Variants in NEB observed in about 807,000 individuals in gnomAD.
NEB encodes nemaline myopathy type 2.
NEB carries 512 observed loss-of-function variants against 952.2 expected under a neutral mutation model. The observed-to-expected ratio is 0.54, with a 90% confidence interval of 0.50 to 0.58. The LOEUF is 0.58. NEB is among the 20% of genes least tolerant of loss of function. The pLI, the probability that NEB is intolerant of heterozygous loss-of-function variation, is 0.00. For missense variants in NEB, 8,428 were observed against 9,231.1 expected (o/e 0.91, Z 3.56); for synonymous variants, 2,900 against 3,149.8 (o/e 0.92, Z 2.66).
chr2:151,494,560 C>G (rs892428333), intron 173 of NEB, among the ~76,000 whole-genome samples: 1 of 152,124 alleles, frequency 6.6e-6, no homozygotes, highest in South Asian at 2.1e-4. Flanking sequence ...AGAGATGATC[C>G]AAACAGGAGT....
intron 129 of NEB, among the ~76,000 whole-genome samples, chr2:151,550,098 C>A (rs537596189): frequency 6.6e-6 from 1 of 151,802 alleles, no homozygotes; most frequent in Non-Finnish European, 1.5e-5. Flanking sequence ...AAGATCCCAC[C>A]TCTATAAAAA....
chr2:151,723,750 G>GTT (rs11308757), intron 8 of NEB, among the ~76,000 whole-genome samples: 235 of 51,352 alleles, frequency 4.6e-3, no homozygotes, highest in Middle Eastern at 0.021. Context: ...TGCCTTCTTT[G>GTT]TTTTTTTTTT....
At chr2:151,561,977 G>A in intron 121 of NEB, 133 bp downstream of exon 121, 1 of 688,414 alleles carries the variant, frequency 1.5e-6, no homozygotes, top group Non-Finnish European at 2.6e-6. Context: ...GCTTTGATTG[G>A]GAGAGGAGGG....
At chr2:151,541,047 G>T (rs959445170) in intron 136 of NEB, among the ~76,000 whole-genome samples, 1 of 151,932 alleles carries the variant, frequency 6.6e-6, no homozygotes. Context: ...TCCAAGCAAA[G>T]CCATGTGATA....
chr2:151,548,521 T>C, intron 130 of NEB, 106 bp from the exon 131 acceptor site: 1 of 795,578 alleles, frequency 1.3e-6, no homozygotes. Flanking sequence ...AAATTGCTCT[T>C]TTTAAGGATT....
Position 151,723,298 on chromosome 2 carries a change from T to C in NEB, c.717+84A>G, listed in dbSNP as rs530190152. The C allele has an allele frequency of 3.8e-4, 314 of 833,438 alleles. 2 individuals carry two copies. In the South Asian group the frequency reaches 5.8e-3, roughly 15 times the overall value. The allele number at this position is 833,438 out of a possible 1,614,324, so 51.6% of individuals were successfully genotyped here. A position where few individuals can be genotyped will look rare whatever the true frequency, so the allele number is the denominator to read the frequency against. On this transcript the variant is annotated intron_variant, in intron 9 of 181. Coordinates refer to ENST00000397345, the MANE Select transcript of NEB (RefSeq NM_001164508.2). ...ACATTTAGTCTCTTATACAGAAGAG[T>C]TGCAGTGACCATCTGGCCAGAATAT...
rs750360947 is a variant in NEB, at chr2:151,559,962, C to T, written c.19314+630G>A. On this transcript the variant is annotated intron_variant, in intron 124 of 181. Transcript: ENST00000397345. ...AATAAACCAAAACAAAACACACACA[C>T]GCAAAAAGGTTTTACTTAAGAACAT... Among the ~76,000 whole-genome samples, 6 of 151,860 alleles carry T rather than the reference C, an allele frequency of 4.0e-5. No individual in the cohort carries two copies. The South Asian group carries it at 6.2e-4, about 16-fold the overall frequency.
chr2:151,624,973 G>C (rs2098491334), intron 71 of NEB, among the ~76,000 whole-genome samples: 1 of 152,116 alleles, frequency 6.6e-6, no homozygotes, highest in Non-Finnish European at 1.5e-5. Flanking sequence ...TTCAGTTCTT[G>C]TAAATAAAGC....
chr2:151,492,590 A>G (rs2057440862), intron 176 of NEB, 96 bp from the exon 177 acceptor site: 1 of 875,296 alleles, frequency 1.1e-6, no homozygotes, highest in Non-Finnish European at 1.7e-6. Flanking sequence ...CTGGTGAGGG[A>G]CGCTTGGGTC....
At position 151,498,332 on chromosome 2, in the gene NEB, CAGGTTTTCTTTGTAT is replaced by C; in HGVS notation, c.24120_24134del (p.Tyr8041_Leu8045del). 1 of 1,550,990 alleles carries C rather than the reference CAGGTTTTCTTTGTAT, an allele frequency of 6.4e-7. No homozygotes were observed. Among genetic ancestry groups the C allele is most frequent in the Non-Finnish European group, 8.7e-7 (1 of 1,146,616 alleles). ...TGATGGGGATTGGAATTCCTGTCCC[CAGGTTTTCTTTGTAT>C]AGCACCTGTATGATGAGAAAGCATC... On this transcript the variant is annotated inframe_deletion, in exon 170 of 182. Coordinates refer to ENST00000397345, the MANE Select transcript of NEB (RefSeq NM_001164508.2).
At chr2:151,512,224 T>G (rs971058341) in intron 161 of NEB, among the ~76,000 whole-genome samples, 2 of 151,922 alleles carry the variant, frequency 1.3e-5, no homozygotes, top group Admixed American at 6.6e-5. Flanking sequence ...TTAGTAGAGA[T>G]AGAGTTTCAC....
intron 107 of NEB, among the ~76,000 whole-genome samples, chr2:151,571,500 T>C (rs533166341): frequency 8.0e-4 from 122 of 152,366 alleles, no homozygotes; most frequent in African/African-American, 2.8e-3. Context: ...AATTCAGTTT[T>C]GTAACCTTCA....
At chr2:151,722,847 C>T (rs1322474703) in intron 9 of NEB, among the ~76,000 whole-genome samples, 1 of 152,154 alleles carries the variant, frequency 6.6e-6, no homozygotes, top group Admixed American at 6.5e-5. Flanking sequence ...CCACATCCAG[C>T]CACAAATATG....
intron 144 of NEB, 63 bp downstream of exon 144, chr2:151,531,729 G>T (rs2091163730): frequency 4.1e-6 from 5 of 1,234,378 alleles, no homozygotes; most frequent in Non-Finnish European, 4.7e-6. Context: ...AATTTAAAAT[G>T]CCCCTCCATG....
intron 130 of NEB, 123 bp downstream of exon 130, chr2:151,549,513 C>T (rs2095116355): frequency 1.4e-6 from 1 of 716,156 alleles, no homozygotes; most frequent in Non-Finnish European, 2.5e-6. Context: ...CTCTCCAGCT[C>T]CCATCATTCT....
Position 151,692,127 on chromosome 2 carries a change from G to A in NEB, c.2038C>T (p.His680Tyr), listed in dbSNP as rs773702715. 11 of 1,613,802 alleles carry A rather than the reference G, an allele frequency of 6.8e-6. No homozygotes were observed. The highest frequency in any genetic ancestry group is 1.7e-5 in the Admixed American group (1 of 59,994). Reference protein sequence around the residue: ...KDLYVKDVLGHYVGSMEDPYH... With the variant: ...KDLYVKDVLGYYVGSMEDPYH... Reference sequence around the variant, plus strand: ...GGGTCCTCCATGCTGCCTACATAATGTCCCAAAACATCCTTTACATATAAG... The same window carrying A: ...GGGTCCTCCATGCTGCCTACATAATATCCCAAAACATCCTTTACATATAAG... The change falls in exon 22 of 182, where the codon CAT becomes TAT. Residue 680 changes from histidine to tyrosine, a missense_variant. Transcript: ENST00000397345.
At chr2:151,731,675 C>T (rs2099809475) in intron 3 of NEB, among the ~76,000 whole-genome samples, 2 of 152,118 alleles carry the variant, frequency 1.3e-5, no homozygotes, top group Non-Finnish European at 2.9e-5. Flanking sequence ...TTTTTTATGA[C>T]ATCTAGTTGA....
intron 124 of NEB, among the ~76,000 whole-genome samples, chr2:151,559,564 G>T (rs951920185): frequency 1.1e-4 from 16 of 152,116 alleles, no homozygotes; most frequent in African/African-American, 3.9e-4. Flanking sequence ...ATGATAGACT[G>T]GATAAAGAAA....
In NEB at chr2:151,697,464, G is replaced by C. The variant is rs371265681; in HGVS notation, c.1258-7C>G. On this transcript the variant is annotated splice_region_variant and splice_polypyrimidine_tract_variant and intron_variant, in intron 14 of 181. Coordinates refer to ENST00000397345, the MANE Select transcript of NEB (RefSeq NM_001164508.2). ...AGGAATCTTTATATTTTTTCTGCAAGACAAAACATACTTCATTTATTAATT... is the reference window on the plus strand; with the variant it reads ...AGGAATCTTTATATTTTTTCTGCAACACAAAACATACTTCATTTATTAATT... The C allele has an allele frequency of 1.2e-4, 187 of 1,609,674 alleles. No individual in the cohort carries two copies. The African/African-American group carries it at 2.1e-3, about 18-fold the overall frequency.
Sources: allele counts gnomAD v4.1 joint callset (sites outside exome capture counted in the v4.1 genomes callset), GRCh38; gene constraint gnomAD v4.1.1; transcripts MANE v1.5; gene names NCBI Gene and HGNC (gene_info 2026-07-23, HGNC 2026-07-21).